APCDD1L: variants seen among roughly 807,000 people sequenced by gnomAD.
APCDD1L encodes protein APCDD1-like.
In APCDD1L, 21 loss-of-function variants were observed where a neutral mutation model predicts 24.2. That is an observed-to-expected ratio of 0.87 (90% CI 0.61 to 1.25). APCDD1L has a LOEUF of 1.25. Among genes scored for constraint, APCDD1L ranks in the 50% most tolerant of loss-of-function variants. The pLI, the probability that APCDD1L is intolerant of heterozygous loss-of-function variation, is 0.00. For missense variants in APCDD1L, 704 were observed against 711.7 expected (o/e 0.99, Z 0.12); for synonymous variants, 321 against 323.6 (o/e 0.99, Z 0.09).
chr20:58,467,512 A>T lies in APCDD1L; in HGVS notation c.335T>A (p.Leu112Gln). 1.3e-6 allele frequency: 2 copies of T among 1,599,328 alleles called. No individual in the cohort carries two copies. Among genetic ancestry groups the T allele is most frequent in the South Asian group, 2.3e-5 (2 of 88,808 alleles). Residue 112 changes from leucine to glutamine, a missense_variant, in exon 3 of 4, where the codon CTG (leucine) becomes CAG (glutamine). By Grantham distance (113) the Leu-to-Gln change is moderately radical (BLOSUM62 -2). Transcript: ENST00000371149. The surrounding 1 kb of genome is among the most constrained non-coding windows in gnomAD (Gnocchi z 5.9). ...HSLLVKGKVRLRRASWVTRGA... is the reference protein window; with the variant it reads ...HSLLVKGKVRQRRASWVTRGA... ...CCGGGTGACCCAGGAGGCCCGGCGC[A>T]GGCGGACTTTGCCCTTGACGAGCAG...
chr20:58,470,068 C>T (rs1189185351), intron 2 of APCDD1L, among the ~76,000 whole-genome samples: 3 of 152,218 alleles, frequency 2.0e-5, no homozygotes. Flanking sequence ...CACCCAGGCT[C>T]TCCCTGGCCT....
intron 1 of APCDD1L, among the ~76,000 whole-genome samples, chr20:58,507,530 C>A (rs970777051): frequency 6.6e-6 from 1 of 152,114 alleles, no homozygotes; most frequent in African/African-American, 2.4e-5. Flanking sequence ...CCCACCCACA[C>A]CCCCACACAC....
intron 1 of APCDD1L, among the ~76,000 whole-genome samples, chr20:58,488,567 T>G (rs1990167521): frequency 1.3e-5 from 2 of 152,232 alleles, no homozygotes; most frequent in Non-Finnish European, 2.9e-5. Flanking sequence ...AATAAAAATA[T>G]TTCAAACATT....
Position 58,461,375 on chromosome 20 carries a change from G to A in APCDD1L, c.921C>T (p.His307=), listed in dbSNP as rs767244799. The change falls in exon 4 of 4, where the codon CAC becomes CAT. Residue 307 remains histidine (H), a synonymous_variant. Transcript: ENST00000371149. This position sits in a 1 kb window ranked among gnomAD's most constrained non-coding sequence, Gnocchi z 6.0. ...FLTRLFTFHG[H]SRSWEGYYHH... ...GGTAATACCCTTCCCAGGAGCGGCT[G>A]TGCCCGTGGAAAGTGAAGAGCCGGG... The A allele has an allele frequency of 1.8e-5, 28 of 1,564,864 alleles. 1 individual carries two copies. In the Admixed American group the frequency reaches 4.6e-4, roughly 26 times the overall value.
chr20:58,466,047 G>A (rs1989698545), intron 3 of APCDD1L, among the ~76,000 whole-genome samples: 1 of 151,084 alleles, frequency 6.6e-6, no homozygotes, highest in African/African-American at 2.4e-5. Flanking sequence ...CACCCTTGTA[G>A]GAGCCAGGCT....
intron 1 of APCDD1L, among the ~76,000 whole-genome samples, chr20:58,504,996 A>G (rs1990506522): frequency 6.6e-6 from 1 of 152,222 alleles, no homozygotes; most frequent in Admixed American, 6.5e-5. Context: ...GAAGCTGTAA[A>G]CCCAGCTCTT....
Position 58,508,962 on chromosome 20 carries a change from CTG to C in APCDD1L, c.49+5695_49+5696del, listed in dbSNP as rs1990574753. Among the ~76,000 whole-genome samples the C allele has an allele frequency of 6.7e-6, 1 of 149,880 alleles. No homozygotes were observed. The highest frequency in any genetic ancestry group is 2.5e-5 in the African/African-American group (1 of 40,532). Reference sequence around the variant, plus strand: ...AGTGTGTGTGAGTGTGCATGTGTGTCTGTGTGCGCACGTGTGTGTGCATGTGC... The same window carrying C: ...AGTGTGTGTGAGTGTGCATGTGTGTCTGTGCGCACGTGTGTGTGCATGTGC... On this transcript the variant is annotated intron_variant, in intron 1 of 3. Transcript: ENST00000371149. This position sits in a 1 kb window ranked among gnomAD's most constrained non-coding sequence, Gnocchi z 4.0.
intron 1 of APCDD1L, among the ~76,000 whole-genome samples, chr20:58,470,979 T>C (rs1989801829): frequency 6.6e-6 from 1 of 152,192 alleles, no homozygotes; most frequent in African/African-American, 2.4e-5. Context: ...CCAGATGTGA[T>C]CACCCTAGAA....
chr20:58,494,037 T>C lies in APCDD1L; in HGVS notation c.49+20622A>G, dbSNP rs978812625. Among the ~76,000 whole-genome samples the C allele has an allele frequency of 2.6e-5, 4 of 152,228 alleles. No individual in the cohort carries two copies. The highest frequency in any genetic ancestry group is 9.6e-5 in the African/African-American group (4 of 41,460). Reference sequence around the variant, plus strand: ...ATAAAGTGAGCTAGAGAAAAGGTTATTGACAAAATCATAAGGAAGAGAAAA... The same window carrying C: ...ATAAAGTGAGCTAGAGAAAAGGTTACTGACAAAATCATAAGGAAGAGAAAA... On this transcript the variant is annotated intron_variant, in intron 1 of 3. Coordinates refer to ENST00000371149, the MANE Select transcript of APCDD1L (RefSeq NM_153360.3). The surrounding 1 kb of genome is among the most constrained non-coding windows in gnomAD (Gnocchi z 4.8).
rs1176981954 is a variant in APCDD1L, at chr20:58,494,207, G to A, written c.49+20452C>T. On this transcript the variant is annotated intron_variant, in intron 1 of 3. Coordinates refer to ENST00000371149, the MANE Select transcript of APCDD1L (RefSeq NM_153360.3). The surrounding 1 kb of genome is among the most constrained non-coding windows in gnomAD (Gnocchi z 4.8). ...GGCAGCAGAGGCAGAAGAAAATCTGGGGATAAGTGGACCTGGGCAGGTGAA... is the reference window on the plus strand; with the variant it reads ...GGCAGCAGAGGCAGAAGAAAATCTGAGGATAAGTGGACCTGGGCAGGTGAA... 6.6e-6 allele frequency among the ~76,000 whole-genome samples: 1 copy of A among 152,176 alleles called. No individual in the cohort carries two copies. The highest frequency in any genetic ancestry group is 1.5e-5 in the Non-Finnish European group (1 of 68,028).
At chr20:58,481,262 T>C (rs1990019175) in intron 1 of APCDD1L, among the ~76,000 whole-genome samples, 2 of 152,226 alleles carry the variant, frequency 1.3e-5, no homozygotes, top group Non-Finnish European at 2.9e-5. Context: ...ATTAGCTCTC[T>C]TGGCAGAAGG....
rs1432695571 is a variant in APCDD1L at position 58,467,201 on chromosome 20, C to T, written c.646G>A (p.Val216Met). The T allele has an allele frequency of 2.5e-6, 4 of 1,604,642 alleles. No homozygotes were observed. The highest frequency in any genetic ancestry group is 3.4e-6 in the Non-Finnish European group (4 of 1,179,012). ...QPQPRASPRL[V>M]EELYLGDIHT... ...ATGTCCCCCAGGTACAGCTCCTCCA[C>T]CAGCCGGGGCGACGCCCGGGGCTGC... is the stretch of plus-strand genomic sequence containing the variant. The change falls in exon 3 of 4, where the codon GTG (valine) becomes ATG (methionine). Residue 216 changes from valine (V) to methionine (M), a missense_variant. Coordinates refer to ENST00000371149, the MANE Select transcript of APCDD1L (RefSeq NM_153360.3). This position sits in a 1 kb window ranked among gnomAD's most constrained non-coding sequence, Gnocchi z 5.9.
chr20:58,499,100 C>A (rs912060835), intron 1 of APCDD1L, among the ~76,000 whole-genome samples: 1 of 152,244 alleles, frequency 6.6e-6, no homozygotes. Context: ...GGGGCCAGTG[C>A]GATGGCTCTG....
intron 1 of APCDD1L, among the ~76,000 whole-genome samples, chr20:58,495,070 A>G (rs1345682933): frequency 6.6e-6 from 1 of 152,156 alleles, no homozygotes; most frequent in Non-Finnish European, 1.5e-5. Context: ...ACTGGCCCCA[A>G]CTGGTGCAGA....
chr20:58,513,402 C>T (rs1182806255), intron 1 of APCDD1L, among the ~76,000 whole-genome samples: 1 of 152,102 alleles, frequency 6.6e-6, no homozygotes, highest in Non-Finnish European at 1.5e-5. Context: ...GGGGAAGCGG[C>T]CCCTGGATGA....
rs1990109420 is a variant in APCDD1L, at chr20:58,485,827, G to C, written c.50-15080C>G. Reference sequence around the variant, plus strand: ...TTTCATAAAGTAGGGAAGCCTCTGAGTTCTCTGGCTCCCAAAGTGAGCTTA... The same window carrying C: ...TTTCATAAAGTAGGGAAGCCTCTGACTTCTCTGGCTCCCAAAGTGAGCTTA... On this transcript the variant is annotated intron_variant, in intron 1 of 3. Transcript: ENST00000371149. Among the ~76,000 whole-genome samples the C allele has an allele frequency of 3.3e-5, 5 of 152,282 alleles. 1 individual carries two copies. In the South Asian group the frequency reaches 1.0e-3, roughly 32 times the overall value.
At chr20:58,463,464 A>C (rs970310548) in intron 3 of APCDD1L, among the ~76,000 whole-genome samples, 3 of 152,244 alleles carry the variant, frequency 2.0e-5, no homozygotes, top group African/African-American at 7.2e-5. Context: ...AGTAGTCTGC[A>C]TTTTGGAGTG....
chr20:58,460,607 C>G lies in APCDD1L; in HGVS notation c.*183G>C, dbSNP rs1989576889. 8 of 702,886 alleles carry G rather than the reference C, an allele frequency of 1.1e-5. No individual in the cohort carries two copies. Among genetic ancestry groups the G allele is most frequent in the Middle Eastern group, 8.5e-4 (2 of 2,366 alleles). The allele number at this position is 702,886 out of a possible 1,614,324, so 43.5% of individuals were successfully genotyped here. On this transcript the variant is annotated 3_prime_UTR_variant, in exon 4 of 4. Coordinates refer to ENST00000371149, the MANE Select transcript of APCDD1L (RefSeq NM_153360.3). This position sits in a 1 kb window ranked among gnomAD's most constrained non-coding sequence, Gnocchi z 4.2. The stretch of plus-strand genomic sequence containing the variant: ...CCCGGGCTGTGGGATGTGGTATAGG[C>G]TTTGCAGGGGTTAAGCTCATGTCCT...
At chr20:58,500,057 A>T (rs1186791613) in intron 1 of APCDD1L, among the ~76,000 whole-genome samples, 2 of 152,096 alleles carry the variant, frequency 1.3e-5, no homozygotes, top group African/African-American at 4.8e-5. Flanking sequence ...GAAAAACAAA[A>T]ACAAATTCCA....
Sources: allele counts gnomAD v4.1 joint callset (sites outside exome capture counted in the v4.1 genomes callset), GRCh38; gene constraint gnomAD v4.1.1; non-coding constraint Gnocchi (gnomAD v3.1); transcripts MANE v1.5; gene names NCBI Gene and HGNC (gene_info 2026-07-23, HGNC 2026-07-21).